The following KBTBD11 variants were observed in gnomAD, a reference collection of about 807,000 sequenced individuals.
KBTBD11 encodes the protein kelch repeat and BTB domain-containing protein 11.
For missense variants in KBTBD11, 1,390 were observed against 1,001.8 expected, an observed-to-expected ratio of 1.39 and a Z score of -5.23; for synonymous variants, 747 against 499.0, an observed-to-expected ratio of 1.50 and a Z score of -6.63.
intron 1 of KBTBD11, among the ~76,000 whole-genome samples, chr8:1,989,909 C>T (rs909811919): frequency 4.4e-5 from 6 of 136,446 alleles, no homozygotes; most frequent in Admixed American, 2.4e-4. Flanking sequence ...GAACAGATAA[C>T]GATGTCTCAG....
intron 1 of KBTBD11, among the ~76,000 whole-genome samples, chr8:1,978,963 A>C (rs977752329): frequency 6.6e-6 from 1 of 152,190 alleles, no homozygotes; most frequent in Non-Finnish European, 1.5e-5. Flanking sequence ...ACCCACCCCC[A>C]GCCCACAGTG....
intron 1 of KBTBD11, among the ~76,000 whole-genome samples, chr8:1,990,444 G>A (rs35727032): frequency 2.2e-5 from 2 of 89,514 alleles, no homozygotes; most frequent in South Asian, 3.9e-4. Flanking sequence ...TAGATGCTGC[G>A]GGGCCTTGGC....
At position 2,006,456 on chromosome 8, in the gene KBTBD11, T is replaced by A. The variant is rs1236202664; in HGVS notation, c.*3392T>A. On this transcript the variant is annotated 3_prime_UTR_variant, in exon 2 of 2. Coordinates refer to ENST00000320248, the MANE Select transcript of KBTBD11 (RefSeq NM_014867.3). Reference sequence around the variant, plus strand: ...TAAAAATCAATCAACTTTCTGATATTTCCCCTTCTGCAATGTTATTGTTCA... The same window carrying A: ...TAAAAATCAATCAACTTTCTGATATATCCCCTTCTGCAATGTTATTGTTCA... The A allele has an allele frequency of 6.0e-6, 1 of 166,912 alleles. No individual in the cohort carries two copies. Among genetic ancestry groups the A allele is most frequent in the Non-Finnish European group, 1.5e-5 (1 of 68,130 alleles). The allele number at this position is 166,912 out of a possible 1,614,324, so 10.3% of individuals were successfully genotyped here.
In KBTBD11 at chr8:2,004,027, T is replaced by C. The variant is rs1817496999; in HGVS notation, c.*963T>C. ...TATAAAAAAAAGTGTAGGCACATTT[T>C]AAACCCACTGTATATGATGTTTTCA... On this transcript the variant is annotated 3_prime_UTR_variant, in exon 2 of 2. Transcript: ENST00000320248. The C allele has an allele frequency of 6.0e-6, 1 of 166,872 alleles. No homozygotes were observed. The highest frequency in any genetic ancestry group is 1.5e-5 in the Non-Finnish European group (1 of 68,126). The allele number at this position is 166,872 out of a possible 1,614,324, so 10.3% of individuals were successfully genotyped here.
rs1297333145 is a variant in KBTBD11 at position 2,003,348 on chromosome 8, C to CA, written c.*285dup. 2.9e-6 allele frequency: 1 copy of CA among 346,924 alleles called. No homozygotes were observed. 21.5% of individuals were successfully genotyped at this position (346,924 alleles called of 1,614,324 possible). On this transcript the variant is annotated 3_prime_UTR_variant, in exon 2 of 2. Coordinates refer to ENST00000320248, the MANE Select transcript of KBTBD11 (RefSeq NM_014867.3). ...GCTGTGGGATCCAAAGGGTCAGCCTCAGGGTACAGTGGGGGTTCCTGAGGC... is the reference window on the plus strand; with the variant it reads ...GCTGTGGGATCCAAAGGGTCAGCCTCAAGGGTACAGTGGGGGTTCCTGAGGC...
chr8:2,000,859 G>A lies in KBTBD11; in HGVS notation c.-334G>A. On this transcript the variant is annotated 5_prime_UTR_variant, in exon 2 of 2. Coordinates refer to ENST00000320248, the MANE Select transcript of KBTBD11 (RefSeq NM_014867.3). ...GCAGTCAACTGCAGCTCCAGTCATT[G>A]CTGGATGTTGGCTGACGCGGTCCTG... The A allele has an allele frequency of 3.5e-6, 1 of 284,708 alleles. No individual in the cohort carries two copies. The highest frequency in any genetic ancestry group is 6.5e-6 in the Non-Finnish European group (1 of 153,396). The allele number at this position is 284,708 out of a possible 1,614,324, so 17.6% of individuals were successfully genotyped here.
chr8:1,979,075 TGC>T, intron 1 of KBTBD11, among the ~76,000 whole-genome samples: 1 of 152,206 alleles, frequency 6.6e-6, no homozygotes, highest in East Asian at 1.9e-4. Context: ...TGCATGTGTG[TGC>T]ATGTGTCTGC....
intron 1 of KBTBD11, among the ~76,000 whole-genome samples, chr8:1,997,223 AG>A (rs1417418258): frequency 1.3e-5 from 2 of 152,142 alleles, no homozygotes; most frequent in African/African-American, 2.4e-5. Context: ...CTGATTCTGG[AG>A]CCAACCACAA....
Position 2,001,116 on chromosome 8 carries a change from G to A in KBTBD11, c.-77G>A, listed in dbSNP as rs1476555714. 1 of 1,266,040 alleles carries A rather than the reference G, an allele frequency of 7.9e-7. No individual in the cohort carries two copies. The highest frequency in any genetic ancestry group is 1.5e-5 in the African/African-American group (1 of 64,624). The allele number at this position is 1,266,040 out of a possible 1,614,324, so 78.4% of individuals were successfully genotyped here. A position where few individuals can be genotyped will look rare whatever the true frequency, so the allele number is the denominator to read the frequency against. ...AAAAGCTGTGAGGCTGGAAACCCCG[G>A]AGTAAGGCTCGACCTTGGCCAGACC... On this transcript the variant is annotated 5_prime_UTR_variant, in exon 2 of 2. Coordinates refer to ENST00000320248, the MANE Select transcript of KBTBD11 (RefSeq NM_014867.3).
intron 1 of KBTBD11, chr8:1,974,710 G>T (rs1410603088): frequency 1.0e-5 from 10 of 985,444 alleles, no homozygotes; most frequent in Non-Finnish European, 1.1e-5. Context: ...GATTCCGCAG[G>T]GGTCCCTCCT....
intron 1 of KBTBD11, among the ~76,000 whole-genome samples, chr8:1,979,813 G>A (rs1013584950): frequency 6.6e-6 from 1 of 152,260 alleles, no homozygotes; most frequent in African/African-American, 2.4e-5. Flanking sequence ...CAGGTTGGCA[G>A]CCTCGGGACA....
intron 1 of KBTBD11, among the ~76,000 whole-genome samples, chr8:1,994,765 C>A (rs1239753394): frequency 1.3e-5 from 2 of 152,212 alleles, no homozygotes; most frequent in Admixed American, 1.3e-4. Flanking sequence ...TCATAAAAAA[C>A]AAGCTAAAAG....
At chr8:1,974,092 G>T (rs570620946) in intron 1 of KBTBD11, 157 bp downstream of exon 1, 4,500 of 230,856 alleles carry the variant, frequency 0.019, 75 homozygotes, top group Non-Finnish European at 0.023. Context: ...GGAGAGGCGG[G>T]GAGGGGAGGC....
chr8:2,002,698 C>G lies in KBTBD11; in HGVS notation c.1506C>G (p.Ile502Met). Residue 502 changes from isoleucine to methionine, a missense_variant, in exon 2 of 2, where the codon ATC becomes ATG. Coordinates refer to ENST00000320248, the MANE Select transcript of KBTBD11 (RefSeq NM_014867.3). The surrounding 1 kb of genome is among the most constrained non-coding windows in gnomAD (Gnocchi z 4.1). ...SADMVALDGF[I>M]YRFDLSGSRG... is the part of the protein sequence containing the mutation. ...ACATGGTGGCTCTCGACGGCTTCAT[C>G]TACCGCTTCGATCTGAGCGGCAGCC... is the stretch of plus-strand genomic sequence containing the variant. The G allele has an allele frequency of 6.4e-7, 1 of 1,551,154 alleles. No homozygotes were observed. The highest frequency in any genetic ancestry group is 8.6e-7 in the Non-Finnish European group (1 of 1,157,454).
Position 2,001,790 on chromosome 8 carries a change from C to G in KBTBD11, c.598C>G (p.Arg200Gly). The change falls in exon 2 of 2, where the codon CGG (arginine) becomes GGG (glycine). Residue 200 changes from arginine to glycine, a missense_variant. Transcript: ENST00000320248. ...CTACAGCGGGCGCATGGCGGGCGTG[C>G]GGCCCGACAACGTGGCCGAGGTGGT... ...DAYSGRMAGV[R>G]PDNVAEVVAG... The G allele has an allele frequency of 7.9e-7, 1 of 1,259,646 alleles. No individual in the cohort carries two copies. Among genetic ancestry groups the G allele is most frequent in the East Asian group, 3.3e-5 (1 of 29,858 alleles). The allele number at this position is 1,259,646 out of a possible 1,614,324, so 78.0% of individuals were successfully genotyped here.
chr8:2,001,146 G>C lies in KBTBD11; in HGVS notation c.-47G>C. The stretch of plus-strand genomic sequence containing the variant: ...AGGCTCGACCTTGGCCAGACCTGCA[G>C]GCTGCGGAACCGGGGGCGCGCGGGC... On this transcript the variant is annotated 5_prime_UTR_variant, in exon 2 of 2. Transcript: ENST00000320248. 7.7e-7 allele frequency: 1 copy of C among 1,293,984 alleles called. No individual in the cohort carries two copies. Among genetic ancestry groups the C allele is most frequent in the Non-Finnish European group, 9.8e-7 (1 of 1,021,816 alleles). 80.2% of individuals were successfully genotyped at this position (1,293,984 alleles called of 1,614,324 possible).
intron 1 of KBTBD11, among the ~76,000 whole-genome samples, chr8:1,987,033 A>C (rs75346550): frequency 1.5e-5 from 2 of 136,092 alleles, no homozygotes; most frequent in East Asian, 4.6e-4. Context: ...AAAAAAAAAA[A>C]CCACGCACAC....
At position 2,001,728 on chromosome 8, in the gene KBTBD11, T is replaced by A; in HGVS notation, c.536T>A (p.Val179Glu). 1 of 1,380,598 alleles carries A rather than the reference T, an allele frequency of 7.2e-7. No homozygotes were observed. The highest frequency in any genetic ancestry group is 9.3e-7 in the Non-Finnish European group (1 of 1,070,508). 85.5% of individuals were successfully genotyped at this position (1,380,598 alleles called of 1,614,324 possible). ...CGGGACGTGCTGCGGGTGCAGGGAGTGAGCCTGACGGCGCTGCGGCTGCTC... is the reference window on the plus strand; with the variant it reads ...CGGGACGTGCTGCGGGTGCAGGGAGAGAGCCTGACGGCGCTGCGGCTGCTC... ...ASRDVLRVQG[V>E]SLTALRLLLA... The change falls in exon 2 of 2, where the codon GTG becomes GAG. Residue 179 changes from valine (V) to glutamate (E), a missense_variant. By Grantham distance (121) the Val-to-Glu change is moderately radical. Coordinates refer to ENST00000320248, the MANE Select transcript of KBTBD11 (RefSeq NM_014867.3).
intron 1 of KBTBD11, among the ~76,000 whole-genome samples, chr8:1,983,819 A>T (rs1816619242): frequency 6.6e-6 from 1 of 152,272 alleles, no homozygotes; most frequent in African/African-American, 2.4e-5. Flanking sequence ...TTGAAGTCTA[A>T]CATACAAACT....
Sources: allele counts gnomAD v4.1 joint callset (sites outside exome capture counted in the v4.1 genomes callset), GRCh38; gene constraint gnomAD v4.1.1; non-coding constraint Gnocchi (gnomAD v3.1); transcripts MANE v1.5; gene names NCBI Gene and HGNC (gene_info 2026-07-23, HGNC 2026-07-21).